The following MED13L variants were observed in gnomAD, a reference collection of about 807,000 sequenced individuals.
MED13L encodes mediator complex subunit 13L.
MED13L carries 7 observed loss-of-function variants against 220.9 expected under a neutral mutation model. The observed-to-expected ratio is 0.03, with a 90% CI of 0.02 to 0.06. The LOEUF is 0.06. MED13L is among the 10% of genes least tolerant of loss of function. The pLI is 1.00. For missense variants in MED13L, 1,965 were observed against 2,760.5 expected (o/e 0.71, Z 6.46); for synonymous variants, 1,011 against 1,015.2 (o/e 1.00, Z 0.08).
intron 2 of MED13L, among the ~76,000 whole-genome samples, chr12:116,114,820 T>A (rs993283307): frequency 2.0e-5 from 3 of 152,146 alleles, no homozygotes; most frequent in Non-Finnish European, 4.4e-5. Flanking sequence ...GAATAAATAA[T>A]TAGAAACTGA....
At chr12:116,041,805 G>C (rs1048942615) in intron 4 of MED13L, among the ~76,000 whole-genome samples, 5 of 152,110 alleles carry the variant, frequency 3.3e-5, no homozygotes, top group African/African-American at 1.2e-4. Context: ...ACTGCACTCC[G>C]ACCTGGGCGA....
intron 23 of MED13L, among the ~76,000 whole-genome samples, chr12:115,979,981 C>T (rs575299155): frequency 6.6e-6 from 1 of 152,064 alleles, no homozygotes; most frequent in South Asian, 2.1e-4. Context: ...CATTTATATA[C>T]GGAAGCACTG....
chr12:116,150,734 C>T (rs1877972234), intron 2 of MED13L, among the ~76,000 whole-genome samples: 1 of 152,128 alleles, frequency 6.6e-6, no homozygotes, highest in South Asian at 2.1e-4. Flanking sequence ...ATAGTGAAAA[C>T]TTATTTTTAT....
intron 2 of MED13L, among the ~76,000 whole-genome samples, chr12:116,171,735 T>C (rs1879693966): frequency 1.3e-5 from 2 of 152,208 alleles, no homozygotes; most frequent in African/African-American, 4.8e-5. Flanking sequence ...CTCGATACCA[T>C]GTTAGCTTTA....
At chr12:116,067,337 G>A (rs761170678) in intron 4 of MED13L, among the ~76,000 whole-genome samples, 2 of 151,956 alleles carry the variant, frequency 1.3e-5, no homozygotes, top group Non-Finnish European at 2.9e-5. Context: ...TATTATATAC[G>A]TTATGAAGCA....
At chr12:116,054,786 T>C (rs1442015572) in intron 4 of MED13L, among the ~76,000 whole-genome samples, 5 of 152,162 alleles carry the variant, frequency 3.3e-5, no homozygotes, top group Non-Finnish European at 7.4e-5. Flanking sequence ...GTTTGGAAAA[T>C]TGCTTGGCAG....
chr12:116,119,838 AATAT>A lies in MED13L; in HGVS notation c.311-8330_311-8327del, dbSNP rs1555213243. On this transcript the variant is annotated intron_variant, in intron 2 of 30. Transcript: ENST00000281928. ...AAAAAAAAAAAAAAAAAAAAAAAAA[AATAT>A]ATATATATATATATATATATGAAAC... Among the ~76,000 whole-genome samples the A allele has an allele frequency of 9.5e-3, 300 of 31,574 alleles. 4 individuals carry two copies. Among genetic ancestry groups the A allele is most frequent in the Middle Eastern group, 0.02 (1 of 50 alleles). 20.7% of individuals were successfully genotyped at this position (31,574 alleles called of 152,430 possible).
rs1421858177 is a variant in MED13L, at chr12:115,991,976, C to T, written c.2997-19G>A. On this transcript the variant is annotated intron_variant, in intron 16 of 30. Coordinates refer to ENST00000281928, the MANE Select transcript of MED13L (RefSeq NM_015335.5). This position sits in a 1 kb window ranked among gnomAD's most constrained non-coding sequence, Gnocchi z 7.7. ...CACGTTACTACAAAAAGAGAAGGCA[C>T]CAAGTGAGGAAGGGCAGCATGTCAC... 1 of 1,589,774 alleles carries T rather than the reference C, an allele frequency of 6.3e-7. No individual in the cohort carries two copies. Among genetic ancestry groups the T allele is most frequent in the East Asian group, 2.2e-5 (1 of 44,702 alleles).
intron 4 of MED13L, among the ~76,000 whole-genome samples, chr12:116,089,550 A>G (rs923736800): frequency 3.3e-5 from 5 of 152,226 alleles, no homozygotes; most frequent in African/African-American, 7.2e-5. Context: ...ACAGGAATTC[A>G]TAAGTAATAA....
At chr12:116,124,676 C>T (rs1377041081) in intron 2 of MED13L, among the ~76,000 whole-genome samples, 4 of 152,170 alleles carry the variant, frequency 2.6e-5, no homozygotes, top group East Asian at 1.9e-4. Context: ...TTTCACTTAA[C>T]GCCCATCAAT....
intron 4 of MED13L, among the ~76,000 whole-genome samples, chr12:116,027,436 C>T (rs1342343637): frequency 6.6e-6 from 1 of 152,062 alleles, no homozygotes; most frequent in East Asian, 1.9e-4. Flanking sequence ...AACAAACAAA[C>T]AAACAAACAA....
At chr12:116,009,812 C>A (rs546357849) in intron 9 of MED13L, among the ~76,000 whole-genome samples, 2 of 152,200 alleles carry the variant, frequency 1.3e-5, no homozygotes, top group East Asian at 1.9e-4. Flanking sequence ...AAAACCAAGT[C>A]GGCTCACATC....
intron 18 of MED13L, 152 bp downstream of exon 18, chr12:115,986,957 T>A: frequency 1.2e-6 from 1 of 860,240 alleles, no homozygotes; most frequent in Non-Finnish European, 1.8e-6. Context: ...CAAAAGTAAC[T>A]TTAGGAAAAC....
At chr12:116,242,235 G>A (rs759402286) in intron 1 of MED13L, among the ~76,000 whole-genome samples, 41 of 151,930 alleles carry the variant, frequency 2.7e-4, no homozygotes, top group Non-Finnish European at 4.6e-4. Context: ...AGTAGAGACA[G>A]GGTTTCACCA....
chr12:115,989,878 C>T (rs1047618300), intron 17 of MED13L, among the ~76,000 whole-genome samples: 6 of 152,326 alleles, frequency 3.9e-5, no homozygotes, highest in South Asian at 2.1e-4. Flanking sequence ...CTTGTCTCCC[C>T]AAATCCATTC....
intron 23 of MED13L, 167 bp downstream of exon 23, chr12:115,980,583 G>T: frequency 1.3e-6 from 1 of 742,880 alleles, no homozygotes; most frequent in Non-Finnish European, 2.3e-6. Flanking sequence ...CTCAGCCTCC[G>T]AAAGTGCTAA....
intron 2 of MED13L, among the ~76,000 whole-genome samples, chr12:116,162,452 A>T (rs1343098372): frequency 6.6e-6 from 1 of 152,194 alleles, no homozygotes; most frequent in Non-Finnish European, 1.5e-5. Context: ...TATCCATGTG[A>T]GTATGGACTA....
chr12:116,257,546 G>A (rs962320770), intron 1 of MED13L, among the ~76,000 whole-genome samples: 4 of 152,132 alleles, frequency 2.6e-5, no homozygotes, highest in Admixed American at 2.0e-4. Flanking sequence ...ACTAAGAACA[G>A]TGTAGTAACA....
Position 116,277,552 on chromosome 12 carries a change from A to AG in MED13L, c.-422dup, listed in dbSNP as rs959077461. On this transcript the variant is annotated 5_prime_UTR_variant, in exon 1 of 31. Coordinates refer to ENST00000281928, the MANE Select transcript of MED13L (RefSeq NM_015335.5). ...GCCGCCGCGGAGCGCGAACTCGCGA[A>AG]GGGGGGGGTGCGGACGAAGCCAGCG... Among the ~76,000 whole-genome samples, 14 of 147,448 alleles carry AG rather than the reference A, an allele frequency of 9.5e-5. No homozygotes were observed. The highest frequency in any genetic ancestry group is 2.7e-4 in the African/African-American group (11 of 40,552).
Sources: allele counts gnomAD v4.1 joint callset (sites outside exome capture counted in the v4.1 genomes callset), GRCh38; gene constraint gnomAD v4.1.1; non-coding constraint Gnocchi (gnomAD v3.1); transcripts MANE v1.5; gene names NCBI Gene and HGNC (gene_info 2026-07-23, HGNC 2026-07-21).